PRKG1: variants seen among roughly 807,000 people sequenced by gnomAD.
PRKG1 encodes the protein protein kinase cGMP-dependent 1.
In PRKG1, 35 loss-of-function variants were observed where a neutral mutation model predicts 88.1. The observed-to-expected ratio is 0.40, with a 90% CI of 0.30 to 0.53. The LOEUF is 0.53. Among genes scored for constraint, PRKG1 ranks in the 20% least tolerant of loss-of-function variants. PRKG1 has a pLI of 0.59. For synonymous variants in PRKG1, 303 were observed against 292.5 expected, an observed-to-expected ratio of 1.04 and a Z score of -0.37; for missense variants, 540 against 839.8, an observed-to-expected ratio of 0.64 and a Z score of 4.41.
intron 2 of PRKG1, among the ~76,000 whole-genome samples, chr10:51,229,912 G>C (rs1314963913): frequency 7.2e-6 from 1 of 139,016 alleles, no homozygotes; most frequent in Non-Finnish European, 1.5e-5. Context: ...CTGGGTTACA[G>C]GGTGAGGCGA....
intron 9 of PRKG1, among the ~76,000 whole-genome samples, chr10:52,238,572 G>A (rs1334164518): frequency 6.6e-6 from 1 of 151,444 alleles, no homozygotes; most frequent in Non-Finnish European, 1.5e-5. Flanking sequence ...ATGAAAAAAT[G>A]CTCATCATCA....
chr10:52,072,366 A>C (rs1846525054), intron 7 of PRKG1, among the ~76,000 whole-genome samples: 1 of 152,038 alleles, frequency 6.6e-6, no homozygotes, highest in Non-Finnish European at 1.5e-5. Context: ...CAAAACAAAA[A>C]GATGCTGTCC....
chr10:51,985,074 G>A (rs1844119128), intron 5 of PRKG1, among the ~76,000 whole-genome samples: 1 of 152,088 alleles, frequency 6.6e-6, no homozygotes, highest in South Asian at 2.1e-4. Context: ...TTAGGCAATA[G>A]TTCATTTTGA....
chr10:51,467,965 A>G (rs1839952616), intron 3 of PRKG1, 129 bp downstream of exon 3: 1 of 759,346 alleles, frequency 1.3e-6, no homozygotes, highest in Non-Finnish European at 2.2e-6. Context: ...TTTGCCCTGC[A>G]ATATAGCTGA....
At chr10:51,676,249 C>T (rs898331490) in intron 3 of PRKG1, among the ~76,000 whole-genome samples, 3 of 151,826 alleles carry the variant, frequency 2.0e-5, no homozygotes, top group South Asian at 2.1e-4. Context: ...TCTTCAGTTA[C>T]GCTCACCACA....
intron 2 of PRKG1, among the ~76,000 whole-genome samples, chr10:51,423,949 G>A (rs1284492718): frequency 1.3e-5 from 2 of 152,004 alleles, no homozygotes; most frequent in African/African-American, 4.8e-5. Context: ...GCTACATTTG[G>A]AGCTGTGTCA....
chr10:51,005,294 C>G (rs183808131), intron 1 of PRKG1, among the ~76,000 whole-genome samples: 1 of 152,040 alleles, frequency 6.6e-6, no homozygotes, highest in South Asian at 2.1e-4. Context: ...AAAATGATCC[C>G]GGGAATCACA....
At chr10:51,931,605 C>T (rs1410287809) in intron 5 of PRKG1, among the ~76,000 whole-genome samples, 1 of 152,152 alleles carries the variant, frequency 6.6e-6, no homozygotes, top group African/African-American at 2.4e-5. Flanking sequence ...TGAAACTCCT[C>T]TCAGTTAAAT....
At chr10:51,461,845 C>T (rs370293744) in intron 2 of PRKG1, among the ~76,000 whole-genome samples, 5 of 152,166 alleles carry the variant, frequency 3.3e-5, no homozygotes, top group African/African-American at 7.2e-5. Context: ...GGCTTTTCCC[C>T]GTAGGTTGCC....
At chr10:51,974,727 A>G (rs1407054284) in intron 5 of PRKG1, among the ~76,000 whole-genome samples, 1 of 152,174 alleles carries the variant, frequency 6.6e-6, no homozygotes, top group Admixed American at 6.6e-5. Flanking sequence ...CCGCATTTGC[A>G]TAATGCATAT....
chr10:51,457,849 C>G (rs1281493138), intron 2 of PRKG1, among the ~76,000 whole-genome samples: 1 of 152,102 alleles, frequency 6.6e-6, no homozygotes, highest in Non-Finnish European at 1.5e-5. Context: ...TTCTTGAGTC[C>G]TCCTTATTTT....
intron 1 of PRKG1, among the ~76,000 whole-genome samples, chr10:51,054,461 T>C (rs966660606): frequency 2.6e-5 from 4 of 152,208 alleles, no homozygotes; most frequent in African/African-American, 9.7e-5. Flanking sequence ...TTAGTTGATA[T>C]GGGTCATGAA....
At chr10:51,661,872 A>G (rs1275093934) in intron 3 of PRKG1, among the ~76,000 whole-genome samples, 5 of 152,204 alleles carry the variant, frequency 3.3e-5, no homozygotes, top group Admixed American at 3.3e-4. Context: ...AATGTGGCAC[A>G]TATACACCAT....
chr10:51,140,676 C>T (rs1845798916), intron 1 of PRKG1, among the ~76,000 whole-genome samples: 1 of 152,038 alleles, frequency 6.6e-6, no homozygotes, highest in South Asian at 2.1e-4. Context: ...ACTGTGTGGC[C>T]AAGAAAAGTG....
intron 6 of PRKG1, among the ~76,000 whole-genome samples, chr10:52,060,734 T>C (rs190272616): frequency 1.4e-3 from 220 of 152,020 alleles, no homozygotes; most frequent in African/African-American, 5.1e-3. Context: ...CAAGAGTGAG[T>C]TAATACCTAG....
At chr10:50,993,362 C>T (rs751745386) in intron 1 of PRKG1, among the ~76,000 whole-genome samples, 50 of 152,334 alleles carry the variant, frequency 3.3e-4, no homozygotes, top group African/African-American at 1.2e-3. Flanking sequence ...CACCTTTGGG[C>T]CCATCTTGCC....
At chr10:51,455,043 T>C (rs1188585023) in intron 2 of PRKG1, among the ~76,000 whole-genome samples, 1 of 152,244 alleles carries the variant, frequency 6.6e-6, no homozygotes, top group Non-Finnish European at 1.5e-5. Flanking sequence ...TGCATTCCCA[T>C]ACATCCTCTG....
At chr10:52,181,397 G>T (rs1284963693) in intron 9 of PRKG1, among the ~76,000 whole-genome samples, 7 of 139,504 alleles carry the variant, frequency 5.0e-5, no homozygotes, top group Admixed American at 5.0e-4. Context: ...ATGAAAAGAG[G>T]TTTATTTGGC....
Position 51,884,444 on chromosome 10 carries a change from CA to C in PRKG1, c.699-23037del, listed in dbSNP as rs57229967. ...TGGGCGACAGAGTGAAACTCCGTCTCAAAAAAAAAAAAAAAAAAAAAAAAAA... is the reference window on the plus strand; with the variant it reads ...TGGGCGACAGAGTGAAACTCCGTCTCAAAAAAAAAAAAAAAAAAAAAAAAA... On this transcript the variant is annotated intron_variant, in intron 4 of 17. Transcript: ENST00000373980. Among the ~76,000 whole-genome samples, 66 of 70,018 alleles carry C rather than the reference CA, an allele frequency of 9.4e-4. No individual in the cohort carries two copies. In the East Asian group the frequency reaches 0.01, roughly 11 times the overall value. The allele number at this position is 70,018 out of a possible 152,430, so 45.9% of individuals were successfully genotyped here.
Sources: allele counts gnomAD v4.1 joint callset (sites outside exome capture counted in the v4.1 genomes callset), GRCh38; gene constraint gnomAD v4.1.1; transcripts MANE v1.5; gene names NCBI Gene and HGNC (gene_info 2026-07-23, HGNC 2026-07-21).